Variants in KCNQ5 observed in about 807,000 individuals in gnomAD.
The protein encoded by KCNQ5 is potassium voltage-gated channel subfamily Q member 5, also known as potassium voltage-gated channel subfamily KQT member 5.
Under a neutral mutation model 98.2 loss-of-function variants are expected in KCNQ5, and 30 were observed. The observed-to-expected ratio is 0.31, with a 90% confidence interval of 0.23 to 0.41. KCNQ5 has a LOEUF of 0.41. Among genes scored for constraint, KCNQ5 ranks in the 10% least tolerant of loss-of-function variants. The probability of loss-of-function intolerance (pLI) is 1.00; values close to 1 mark genes in which losing one functional copy is unlikely to be tolerated. For synonymous variants in KCNQ5, 458 were observed against 449.4 expected (o/e 1.02, Z -0.24); for missense variants, 835 against 1,182.5 (o/e 0.71, Z 4.31).
intron 1 of KCNQ5, among the ~76,000 whole-genome samples, chr6:72,860,274 A>G (rs1777709730): frequency 6.6e-6 from 1 of 152,088 alleles, no homozygotes; most frequent in Admixed American, 6.6e-5. Context: ...AAGGTAGCAG[A>G]CCGTAAAAAA....
At chr6:72,857,227 T>C (rs924406498) in intron 1 of KCNQ5, among the ~76,000 whole-genome samples, 7 of 152,392 alleles carry the variant, frequency 4.6e-5, no homozygotes, top group Non-Finnish European at 8.8e-5. Context: ...TCTCTAGGTT[T>C]CTAATGTTTT....
intron 1 of KCNQ5, among the ~76,000 whole-genome samples, chr6:72,668,421 G>A (rs751021551): frequency 2.0e-5 from 3 of 152,120 alleles, no homozygotes; most frequent in African/African-American, 4.8e-5. Context: ...AGCTATATGA[G>A]AGTTGGCACA....
chr6:72,811,417 A>G (rs1174338245), intron 1 of KCNQ5, among the ~76,000 whole-genome samples: 1 of 152,158 alleles, frequency 6.6e-6, no homozygotes, highest in Non-Finnish European at 1.5e-5. Context: ...CAAGTTCTAT[A>G]CATCCCCTCT....
intron 1 of KCNQ5, among the ~76,000 whole-genome samples, chr6:72,887,322 C>T (rs1481638395): frequency 6.6e-6 from 1 of 152,038 alleles, no homozygotes. Flanking sequence ...TGCAGGGAAA[C>T]TCACCATTTT....
chr6:72,923,801 G>GT (rs1780509529), intron 1 of KCNQ5, among the ~76,000 whole-genome samples: 1 of 152,078 alleles, frequency 6.6e-6, no homozygotes, highest in Non-Finnish European at 1.5e-5. Context: ...ACAGTATTTG[G>GT]TTTTTTGTTC....
At chr6:73,043,425 T>G (rs1267850560) in intron 3 of KCNQ5, among the ~76,000 whole-genome samples, 1 of 152,220 alleles carries the variant, frequency 6.6e-6, no homozygotes, top group Non-Finnish European at 1.5e-5. Context: ...TGCTAAGGTA[T>G]GGAGCAAAGT....
At chr6:73,125,073 G>A (rs1338283603) in intron 9 of KCNQ5, among the ~76,000 whole-genome samples, 1 of 131,956 alleles carries the variant, frequency 7.6e-6, no homozygotes, top group African/African-American at 2.7e-5. Context: ...TTTTTTTTTG[G>A]CAAGATGAAA....
chr6:72,864,263 C>T (rs1244946895), intron 1 of KCNQ5, among the ~76,000 whole-genome samples: 1 of 152,122 alleles, frequency 6.6e-6, no homozygotes, highest in Middle Eastern at 3.2e-3. Context: ...GACTCTCTAC[C>T]CTTCCACTTT....
rs571440604 is a variant in KCNQ5 at position 72,818,079 on chromosome 6, T to G, written c.399-185829T>G. Among the ~76,000 whole-genome samples the G allele has an allele frequency of 1.8e-3, 275 of 152,202 alleles. 2 individuals are homozygous for G. The highest frequency in any genetic ancestry group is 6.1e-3 in the African/African-American group (255 of 41,546). On this transcript the variant is annotated intron_variant, in intron 1 of 13. Coordinates refer to ENST00000370398, the MANE Select transcript of KCNQ5 (RefSeq NM_019842.4). ...ATTGATCAGTTAATTTTTTAAAAAA[T>G]CGAAGCTCAGTTTGAATGAACCTTA...
At chr6:72,705,601 TG>T (rs1769036720) in intron 1 of KCNQ5, among the ~76,000 whole-genome samples, 1 of 150,090 alleles carries the variant, frequency 6.7e-6, no homozygotes, top group Admixed American at 6.6e-5. Context: ...TTTTTTTTTT[TG>T]TTGTTGTTGT....
At chr6:73,109,410 C>G (rs1440660732) in intron 6 of KCNQ5, among the ~76,000 whole-genome samples, 1 of 152,124 alleles carries the variant, frequency 6.6e-6, no homozygotes, top group East Asian at 1.9e-4. Flanking sequence ...GTGGATTATA[C>G]ACATATATGC....
intron 1 of KCNQ5, among the ~76,000 whole-genome samples, chr6:72,924,777 AT>A (rs1780553852): frequency 6.6e-6 from 1 of 152,132 alleles, no homozygotes; most frequent in Non-Finnish European, 1.5e-5. Context: ...GGGATATGGA[AT>A]TTTTGGTACT....
chr6:73,000,464 A>AG, intron 1 of KCNQ5, among the ~76,000 whole-genome samples: 1 of 152,278 alleles, frequency 6.6e-6, no homozygotes, highest in South Asian at 2.1e-4. Flanking sequence ...TACTTTTTCT[A>AG]GGGGGAAAAA....
intron 1 of KCNQ5, among the ~76,000 whole-genome samples, chr6:72,663,364 A>G (rs1291205449): frequency 6.6e-6 from 1 of 152,156 alleles, no homozygotes; most frequent in Admixed American, 6.5e-5. Context: ...CTGCAATTAT[A>G]ATTATATTTG....
chr6:72,763,935 C>A lies in KCNQ5; in HGVS notation c.398+141348C>A, dbSNP rs186789225. On this transcript the variant is annotated intron_variant, in intron 1 of 13. Transcript: ENST00000370398. ...TCCCTTTTCACTTTTGTCTCCATTT[C>A]AATATAGAACACTAATGAAAACAAC... is the stretch of plus-strand genomic sequence containing the variant. Among the ~76,000 whole-genome samples, 292 of 151,964 alleles carry A rather than the reference C, an allele frequency of 1.9e-3. 2 individuals are homozygous for A. The highest frequency in any genetic ancestry group is 0.013 in the Admixed American group (196 of 15,206).
intron 2 of KCNQ5, among the ~76,000 whole-genome samples, chr6:73,014,209 T>C (rs916798399): frequency 6.6e-6 from 1 of 152,164 alleles, no homozygotes; most frequent in African/African-American, 2.4e-5. Context: ...TTCCTCTCTG[T>C]TAAAGAACTT....
chr6:72,877,220 G>C (rs754180066), intron 1 of KCNQ5, among the ~76,000 whole-genome samples: 2 of 151,760 alleles, frequency 1.3e-5, no homozygotes, highest in Admixed American at 1.3e-4. Flanking sequence ...TCCTTGCCCC[G>C]ACCCCCCCGA....
Position 72,806,184 on chromosome 6 carries a change from T to C in KCNQ5, c.398+183597T>C, listed in dbSNP as rs148890005. On this transcript the variant is annotated intron_variant, in intron 1 of 13. Coordinates refer to ENST00000370398, the MANE Select transcript of KCNQ5 (RefSeq NM_019842.4). ...TTGTGAGAATGTTTTCTCTTTTACC[T>C]GGGGTGGATTGGGATCCTCACCATA... is the stretch of plus-strand genomic sequence containing the variant. 3.1e-3 allele frequency among the ~76,000 whole-genome samples: 468 copies of C among 152,266 alleles called. 4 individuals carry two copies. Among genetic ancestry groups the C allele is most frequent in the African/African-American group, 0.011 (456 of 41,566 alleles).
intron 3 of KCNQ5, among the ~76,000 whole-genome samples, chr6:73,045,787 T>C (rs1771932766): frequency 6.6e-6 from 1 of 152,178 alleles, no homozygotes; most frequent in Admixed American, 6.5e-5. Flanking sequence ...AGTGGCTTTT[T>C]TTAGATTCCT....
Sources: gnomAD v4.1 joint callset for allele counts (sites outside exome capture counted in the v4.1 genomes callset) on GRCh38, gnomAD v4.1.1 for gene constraint, MANE v1.5 for transcripts, NCBI Gene and HGNC (gene_info 2026-07-23, HGNC 2026-07-21) for gene names.